ADAMTSL3: variants seen among roughly 807,000 people sequenced by gnomAD.
ADAMTSL3 encodes ADAMTS-like protein 3.
A neutral mutation model predicts 201.7 loss-of-function variants in ADAMTSL3; 128 were observed. The ratio of observed to expected loss-of-function variants is 0.63; its 90% CI spans 0.55 to 0.73. ADAMTSL3 has a LOEUF of 0.73. Among genes scored for constraint, ADAMTSL3 ranks in the 30% least tolerant of loss-of-function variants. The probability of loss-of-function intolerance (pLI) is 0.00; values close to 1 mark genes in which losing one functional copy is unlikely to be tolerated. For missense variants in ADAMTSL3, 1,990 were observed against 2,119.6 expected (o/e 0.94, Z 1.20); for synonymous variants, 738 against 748.4 (o/e 0.99, Z 0.23).
At chr15:83,748,676 C>G (rs1324967546) in intron 3 of ADAMTSL3, among the ~76,000 whole-genome samples, 1 of 141,488 alleles carries the variant, frequency 7.1e-6, no homozygotes, top group African/African-American at 2.6e-5. Flanking sequence ...AAAAAAATAC[C>G]ACACACACAA....
At chr15:83,805,637 T>A (rs950307860) in intron 5 of ADAMTSL3, among the ~76,000 whole-genome samples, 1 of 152,058 alleles carries the variant, frequency 6.6e-6, no homozygotes, top group Admixed American at 6.5e-5. Context: ...ATTCAAAACA[T>A]TTCCTGGTTA....
chr15:83,695,036 T>C (rs1316060741), intron 2 of ADAMTSL3, among the ~76,000 whole-genome samples: 6 of 151,576 alleles, frequency 4.0e-5, no homozygotes, highest in Admixed American at 3.9e-4. Context: ...TGCTATGTGG[T>C]GTATATGTAT....
chr15:83,899,118 GC>G (rs1163545198), intron 14 of ADAMTSL3, among the ~76,000 whole-genome samples: 5 of 152,130 alleles, frequency 3.3e-5, no homozygotes, highest in Admixed American at 1.3e-4. Context: ...AGGAAGGGGG[GC>G]AACAGTTTGT....
intron 8 of ADAMTSL3, among the ~76,000 whole-genome samples, chr15:83,868,911 A>G (rs2065029492): frequency 6.6e-6 from 1 of 152,122 alleles, no homozygotes; most frequent in Non-Finnish European, 1.5e-5. Flanking sequence ...TAGGGAATGG[A>G]TATCGTAGCA....
At chr15:84,016,025 C>T (rs1462953545) in intron 24 of ADAMTSL3, among the ~76,000 whole-genome samples, 1 of 152,200 alleles carries the variant, frequency 6.6e-6, no homozygotes, top group Non-Finnish European at 1.5e-5. Flanking sequence ...ATTGCCCGTT[C>T]TCTTGCTCCC....
intron 2 of ADAMTSL3, among the ~76,000 whole-genome samples, chr15:83,694,574 A>C (rs1241710380): frequency 2.0e-5 from 3 of 152,146 alleles, no homozygotes; most frequent in Non-Finnish European, 4.4e-5. Flanking sequence ...TGGACTCTTA[A>C]GTAAAATTTT....
rs1296448622 is a variant in ADAMTSL3, at chr15:84,038,567, T to C, written c.*761T>C. 6.6e-6 allele frequency: 1 copy of C among 152,642 alleles called. No homozygotes were observed. Among genetic ancestry groups the C allele is most frequent in the Non-Finnish European group, 1.5e-5 (1 of 68,038 alleles). 9.5% of individuals were successfully genotyped at this position (152,642 alleles called of 1,614,324 possible). A position where few individuals can be genotyped will look rare whatever the true frequency, so the allele number is the denominator to read the frequency against. On this transcript the variant is annotated 3_prime_UTR_variant, in exon 30 of 30. Transcript: ENST00000286744. ...ATTCAGAGCTTTCTTTTAAGAGCTG[T>C]GAATGAAACTTTTTCTAAGCACTAT...
chr15:84,012,609 C>T (rs1315786092), intron 23 of ADAMTSL3, among the ~76,000 whole-genome samples: 1 of 152,130 alleles, frequency 6.6e-6, no homozygotes, highest in Non-Finnish European at 1.5e-5. Flanking sequence ...TACAATGGGC[C>T]CAACCAGATA....
Position 83,927,723 on chromosome 15 carries a change from G to A in ADAMTSL3, c.2117+3690G>A, listed in dbSNP as rs1424051396. ...AATAAATTGCATACTACAACATAAA[G>A]CCCAAACATGGAGTATTTCTCATGA... On this transcript the variant is annotated intron_variant, in intron 17 of 29. Coordinates refer to ENST00000286744, the MANE Select transcript of ADAMTSL3 (RefSeq NM_207517.3). Among the ~76,000 whole-genome samples, 9 of 152,084 alleles carry A rather than the reference G, an allele frequency of 5.9e-5. No individual in the cohort carries two copies. In the East Asian group the frequency reaches 1.7e-3, roughly 29 times the overall value.
intron 3 of ADAMTSL3, among the ~76,000 whole-genome samples, chr15:83,719,485 A>G (rs1002118539): frequency 1.3e-5 from 2 of 152,166 alleles, no homozygotes; most frequent in African/African-American, 4.8e-5. Context: ...AAATTGGAAA[A>G]TTACTATTTT....
chr15:83,786,274 G>A (rs1451535029), intron 4 of ADAMTSL3, among the ~76,000 whole-genome samples: 2 of 152,134 alleles, frequency 1.3e-5, no homozygotes, highest in Non-Finnish European at 2.9e-5. Context: ...ACCACGCCTG[G>A]TTTGAACTTT....
chr15:83,714,664 C>T (rs994569046), intron 3 of ADAMTSL3, among the ~76,000 whole-genome samples: 9 of 147,552 alleles, frequency 6.1e-5, no homozygotes, highest in Non-Finnish European at 9.1e-5. Flanking sequence ...TCTCTCCCTT[C>T]CTCCCTCCCT....
rs142406682 is a variant in ADAMTSL3, at chr15:84,037,792, T to G, written c.5062T>G (p.Cys1688Gly). The G allele has an allele frequency of 1.4e-5, 23 of 1,613,290 alleles. No individual in the cohort carries two copies. The East Asian group carries it at 5.1e-4, about 36-fold the overall frequency. Residue 1688 changes from cysteine to glycine, a missense_variant, in exon 30 of 30, where the codon TGT (cysteine) becomes GGT (glycine). By Grantham distance (159) the Cys-to-Gly change is radical. Coordinates refer to ENST00000286744, the MANE Select transcript of ADAMTSL3 (RefSeq NM_207517.3). Reference protein sequence around the residue: ...DRYKQRCCQSCQEG With the variant: ...DRYKQRCCQSGQEG Reference sequence around the variant, plus strand: ...CTACAAACAAAGGTGCTGCCAGTCATGTCAAGAGGGATAAACCTTTGGAGG... The same window carrying G: ...CTACAAACAAAGGTGCTGCCAGTCAGGTCAAGAGGGATAAACCTTTGGAGG...
chr15:83,936,953 C>T (rs1052125147), intron 17 of ADAMTSL3, among the ~76,000 whole-genome samples: 6 of 150,812 alleles, frequency 4.0e-5, no homozygotes, highest in Admixed American at 3.9e-4. Flanking sequence ...AAATCAAAAC[C>T]ATAGCGAGAT....
intron 9 of ADAMTSL3, among the ~76,000 whole-genome samples, chr15:83,875,751 C>G (rs1464413865): frequency 6.6e-6 from 1 of 152,118 alleles, no homozygotes; most frequent in African/African-American, 2.4e-5. Context: ...CAGCCGCACT[C>G]TGGCCGGGTG....
At chr15:83,964,062 G>A (rs780383612) in intron 19 of ADAMTSL3, among the ~76,000 whole-genome samples, 1 of 152,188 alleles carries the variant, frequency 6.6e-6, no homozygotes, top group African/African-American at 2.4e-5. Flanking sequence ...TCACAAAGAT[G>A]TGGAAAAACC....
chr15:83,969,840 A>G (rs2067159817), intron 19 of ADAMTSL3, among the ~76,000 whole-genome samples: 1 of 152,274 alleles, frequency 6.6e-6, no homozygotes, highest in Admixed American at 6.5e-5. Context: ...AACAATAGAT[A>G]GTGTGCAATT....
intron 26 of ADAMTSL3, among the ~76,000 whole-genome samples, chr15:84,022,064 C>G (rs761585133): frequency 3.3e-5 from 5 of 152,130 alleles, no homozygotes; most frequent in Non-Finnish European, 5.9e-5. Context: ...ATAGGTAATA[C>G]AAATCAGTAA....
At position 83,924,226 on chromosome 15, in the gene ADAMTSL3, C is replaced by T. The variant is rs62027787; in HGVS notation, c.2117+193C>T. On this transcript the variant is annotated intron_variant, in intron 17 of 29. Coordinates refer to ENST00000286744, the MANE Select transcript of ADAMTSL3 (RefSeq NM_207517.3). Reference sequence around the variant, plus strand: ...GGTGCTCAGATGCAGCCATGTTGCACAGGAATGCTCTTCAGGCTGACTTTT... The same window carrying T: ...GGTGCTCAGATGCAGCCATGTTGCATAGGAATGCTCTTCAGGCTGACTTTT... Among the ~76,000 whole-genome samples, 16,919 of 152,266 alleles carry T rather than the reference C, an allele frequency of 0.11. 1,385 individuals are homozygous for T. The highest frequency in any genetic ancestry group is 0.16 in the Non-Finnish European group (11,190 of 68,018).
Sources: gnomAD v4.1 joint callset for allele counts (sites outside exome capture counted in the v4.1 genomes callset) on GRCh38, gnomAD v4.1.1 for gene constraint, MANE v1.5 for transcripts, NCBI Gene and HGNC (gene_info 2026-07-23, HGNC 2026-07-21) for gene names.